Variants in DDX20 observed in about 807,000 individuals in gnomAD.
DDX20 encodes the protein DEAD-box helicase 20.
In DDX20, 61 loss-of-function variants were observed where a neutral mutation model predicts 76.4. The ratio of observed to expected loss-of-function variants is 0.80; its 90% confidence interval spans 0.65 to 0.99. DDX20 has a LOEUF of 0.99. DDX20 is among the 50% of genes least tolerant of loss of function. The probability of loss-of-function intolerance (pLI) is 0.00; values close to 1 mark genes in which losing one functional copy is unlikely to be tolerated. For missense variants in DDX20, 976 were observed against 996.8 expected, an observed-to-expected ratio of 0.98 and a Z score of 0.28; for synonymous variants, 357 against 357.4, an observed-to-expected ratio of 1.00 and a Z score of 0.01.
chr1:111,757,604 A>G (rs904615419), intron 2 of DDX20, among the ~76,000 whole-genome samples: 4 of 152,294 alleles, frequency 2.6e-5, no homozygotes, highest in Middle Eastern at 3.4e-3. Context: ...ACTGTATTTC[A>G]AGTTCTCAGG....
At position 111,760,721 on chromosome 1, in the gene DDX20, C is replaced by G. The variant is rs1373588739; in HGVS notation, c.696C>G (p.Ser232=). The G allele has an allele frequency of 1.9e-6, 3 of 1,608,514 alleles. No individual in the cohort carries two copies. The African/African-American group carries it at 4.0e-5, about 22-fold the overall frequency. The change falls in exon 5 of 11, where the codon TCC becomes TCG. Residue 232 remains serine (S), a synonymous_variant. Transcript: ENST00000369702. ...FQEQINWIYS[S]LPASKQMLAV... is the part of the protein sequence containing the mutation. ...TATTTTGCAGTTGGATTTATTCTTC[C>G]TTGCCTGCCAGTAAACAGATGCTGG...
intron 3 of DDX20, among the ~76,000 whole-genome samples, chr1:111,760,212 C>G (rs1046395958): frequency 1.3e-5 from 2 of 152,130 alleles, no homozygotes; most frequent in Admixed American, 1.3e-4. Flanking sequence ...TCAGAATCAG[C>G]ATCTTGCATT....
At position 111,756,191 on chromosome 1, in the gene DDX20, G is replaced by A; in HGVS notation, c.267G>A (p.Gln89=). The change falls in exon 1 of 11, where the codon CAG becomes CAA. Residue 89 remains glutamine, a synonymous_variant. Coordinates refer to ENST00000369702, the MANE Select transcript of DDX20 (RefSeq NM_007204.5). The part of the protein sequence containing the change: ...AAGFERPSPV[Q]LKAIPLGRCG... ...GCTTCGAGAGGCCCTCGCCGGTGCA[G>A]CTCAAGGCCATCCCGTTGGGGCGCT... 1 of 1,503,072 alleles carries A rather than the reference G, an allele frequency of 6.7e-7. No homozygotes were observed. Among genetic ancestry groups the A allele is most frequent in the East Asian group, 2.6e-5 (1 of 39,188 alleles). 93.1% of individuals were successfully genotyped at this position (1,503,072 alleles called of 1,614,324 possible).
chr1:111,762,673 C>A lies in DDX20; in HGVS notation c.1105-4C>A. 1 of 1,610,192 alleles carries A rather than the reference C, an allele frequency of 6.2e-7. No homozygotes were observed. Among genetic ancestry groups the A allele is most frequent in the South Asian group, 1.1e-5 (1 of 90,668 alleles). On this transcript the variant is annotated splice_polypyrimidine_tract_variant and splice_region_variant and intron_variant, in intron 8 of 10. Transcript: ENST00000369702. Reference sequence around the variant, plus strand: ...CAAATAATTGCTATCTTCTTCAATTCAAGACTTCTCGTGGGATTGATGCTG... The same window carrying A: ...CAAATAATTGCTATCTTCTTCAATTAAAGACTTCTCGTGGGATTGATGCTG...
At chr1:111,763,226 T>TA (rs1398027714) in intron 10 of DDX20, among the ~76,000 whole-genome samples, 1 of 152,172 alleles carries the variant, frequency 6.6e-6, no homozygotes, top group African/African-American at 2.4e-5. Flanking sequence ...GTAAAGGTGT[T>TA]ACAGCTAGTA....
intron 10 of DDX20, among the ~76,000 whole-genome samples, chr1:111,763,894 A>C (rs1663724389): frequency 6.6e-6 from 1 of 152,214 alleles, no homozygotes; most frequent in Non-Finnish European, 1.5e-5. Flanking sequence ...AAAAAATTCT[A>C]AAAAACCCTT....
rs765708842 is a variant in DDX20, at chr1:111,766,836, T to A, written c.2412T>A (p.Ser804Arg). The A allele has an allele frequency of 2.3e-5, 37 of 1,614,070 alleles. No homozygotes were observed. The highest frequency in any genetic ancestry group is 3.1e-5 in the Non-Finnish European group (36 of 1,179,956). Residue 804 changes from serine (S) to arginine (R), a missense_variant, in exon 11 of 11, where the codon AGT (serine) becomes AGA (arginine). Transcript: ENST00000369702. ...SYYWNAQRHP[S>R]WMAAYHMNTI... ...ATTGGAATGCTCAGAGACATCCAAG[T>A]TGGATGGCAGCTTATCACATGAATA...
intron 7 of DDX20, 152 bp downstream of exon 7, chr1:111,761,436 T>C (rs1379850042): frequency 8.3e-6 from 5 of 605,254 alleles, no homozygotes; most frequent in Non-Finnish European, 1.4e-5. Context: ...TTATTTTTCA[T>C]TGGAATTTGA....
intron 10 of DDX20, among the ~76,000 whole-genome samples, chr1:111,765,047 T>C (rs866362927): frequency 6.6e-6 from 1 of 152,258 alleles, no homozygotes; most frequent in Non-Finnish European, 1.5e-5. Flanking sequence ...GGGCTTGATA[T>C]ATCTTGTCTG....
At position 111,762,795 on chromosome 1, in the gene DDX20, A is replaced by G; in HGVS notation, c.1210+13A>G. The stretch of plus-strand genomic sequence containing the variant: ...GCTGGCCGTTTTGGTAAAAAAAAAA[A>G]AAAAAGTTTGAGTGCTTTCTTTAAG... On this transcript the variant is annotated intron_variant, in intron 9 of 10. Transcript: ENST00000369702. 1 of 1,610,484 alleles carries G rather than the reference A, an allele frequency of 6.2e-7. No homozygotes were observed. Among genetic ancestry groups the G allele is most frequent in the Non-Finnish European group, 8.5e-7 (1 of 1,178,032 alleles).
chr1:111,762,388 A>G (rs1553234077), intron 8 of DDX20, 51 bp downstream of exon 8: 5 of 1,368,160 alleles, frequency 3.7e-6, no homozygotes, highest in South Asian at 1.2e-5. Context: ...CATATGTTCT[A>G]TTATCAGATG....
At position 111,760,816 on chromosome 1, in the gene DDX20, T is replaced by A; in HGVS notation, c.791T>A (p.Val264Glu). The change falls in exon 5 of 11, where the codon GTA (valine) becomes GAA (glutamate). Residue 264 changes from valine (V) to glutamate (E), a missense_variant. By Grantham distance (121) the Val-to-Glu change is moderately radical. This residue lies in a region of DDX20 where 630 missense variants were observed against 693.7 expected (regional missense o/e 0.91). Transcript: ENST00000369702. The stretch of plus-strand genomic sequence containing the variant: ...AAGTACATGAGAGATCCCACTTTTG[T>A]AAGACTGAATTCCAGTGATCCAAGT... ...LTKYMRDPTF[V>E]RLNSSDPSLI... 1.2e-6 allele frequency: 2 copies of A among 1,613,448 alleles called. No homozygotes were observed. Among genetic ancestry groups the A allele is most frequent in the South Asian group, 2.2e-5 (2 of 90,786 alleles).
chr1:111,756,857 T>A (rs1663569366), intron 2 of DDX20, 117 bp downstream of exon 2: 1 of 847,224 alleles, frequency 1.2e-6, no homozygotes, highest in Admixed American at 2.5e-5. Flanking sequence ...TTGAGTTAAG[T>A]GGTGGTGGTG....
At chr1:111,762,538 A>C in intron 8 of DDX20, 139 bp from the exon 9 acceptor site, 1 of 863,382 alleles carries the variant, frequency 1.2e-6, no homozygotes, top group Non-Finnish European at 1.8e-6. Context: ...AGTCATTAGG[A>C]ATGAATTTCC....
In DDX20 at chr1:111,766,574, T is replaced by C; in HGVS notation, c.2150T>C (p.Ile717Thr). 17 of 1,614,114 alleles carry C rather than the reference T, an allele frequency of 1.1e-5. No homozygotes were observed. The highest frequency in any genetic ancestry group is 1.4e-5 in the Non-Finnish European group (17 of 1,179,994). The change falls in exon 11 of 11, where the codon ATC (isoleucine) becomes ACC (threonine). Residue 717 changes from isoleucine to threonine, a missense_variant. By Grantham distance (89) the Ile-to-Thr change is moderately conservative. Coordinates refer to ENST00000369702, the MANE Select transcript of DDX20 (RefSeq NM_007204.5). Reference sequence around the variant, plus strand: ...GAGAAATATCAAGAATCACCTGGAATCCAGATGAAGACAAGACTTAAAGAG... The same window carrying C: ...GAGAAATATCAAGAATCACCTGGAACCCAGATGAAGACAAGACTTAAAGAG... The part of the protein sequence containing the change: ...NPEKYQESPG[I>T]QMKTRLKEGA...
At chr1:111,756,268 G>GC in intron 1 of DDX20, 43 bp downstream of exon 1, 19 of 739,078 alleles carry the variant, frequency 2.6e-5, no homozygotes, top group African/African-American at 5.7e-5. Flanking sequence ...TGGGGTGGGA[G>GC]AAGGGGGACC....
Position 111,761,007 on chromosome 1 carries a change from G to A in DDX20, c.844G>A (p.Val282Ile), listed in dbSNP as rs1391020912. The change falls in exon 6 of 11, where the codon GTT becomes ATT. Residue 282 changes from valine to isoleucine, a missense_variant. By Grantham distance (29) the Val-to-Ile change is conservative. Coordinates refer to ENST00000369702, the MANE Select transcript of DDX20 (RefSeq NM_007204.5). ...SLIGLKQYYK[V>I]VNSYPLAHKV... ...TGTAGGTTTGAAGCAGTATTACAAA[G>A]TTGTCAATTCATACCCTTTGGCACA... The A allele has an allele frequency of 3.7e-6, 6 of 1,613,676 alleles. No homozygotes were observed. Among genetic ancestry groups the A allele is most frequent in the Non-Finnish European group, 5.1e-6 (6 of 1,179,888 alleles).
In DDX20 at chr1:111,765,834, AC is replaced by A; in HGVS notation, c.1413del (p.Leu472Ter). The A allele has an allele frequency of 6.2e-7, 1 of 1,614,162 alleles. No individual in the cohort carries two copies. The highest frequency in any genetic ancestry group is 8.5e-7 in the Non-Finnish European group (1 of 1,179,998). ...ATGGTATAGCAAGTGTACCTAACCA[AC>A]CCTTAAAAAAGCAAATTCAGAAAAT... ...TYGIASVPNQ[P>X]LKKQIQKIER... On this transcript the variant is annotated frameshift_variant, in exon 11 of 11. Coordinates refer to ENST00000369702, the MANE Select transcript of DDX20 (RefSeq NM_007204.5). LOFTEE classifies it high-confidence loss of function.
intron 5 of DDX20, 52 bp from the exon 6 acceptor site, chr1:111,760,935 A>G: frequency 6.3e-7 from 1 of 1,599,614 alleles, no homozygotes; most frequent in Non-Finnish European, 8.5e-7. Context: ...TTGCTGTTTC[A>G]TGGTTACCAT....
Sources: allele counts gnomAD v4.1 joint callset (sites outside exome capture counted in the v4.1 genomes callset), GRCh38; gene constraint gnomAD v4.1.1; regional missense constraint gnomAD v4.1.1; transcripts MANE v1.5; gene names NCBI Gene and HGNC (gene_info 2026-07-23, HGNC 2026-07-21).